Variants in PACS2 observed in about 807,000 individuals in gnomAD.
PACS2 encodes the protein phosphofurin acidic cluster sorting protein 2.
In PACS2, 36 loss-of-function variants were observed where a neutral mutation model predicts 113.0. The observed-to-expected ratio is 0.32, with a 90% CI of 0.24 to 0.42. The LOEUF (loss-of-function observed/expected upper bound fraction) is 0.42. Ranked by LOEUF, PACS2 falls within the 10% of genes least tolerant of loss-of-function variation. The pLI, the probability that PACS2 is intolerant of heterozygous loss-of-function variation, is 1.00. For missense variants in PACS2, 1,015 were observed against 1,239.5 expected (o/e 0.82, Z 2.72); for synonymous variants, 589 against 536.1 (o/e 1.10, Z -1.36).
At position 105,356,880 on chromosome 14, in the gene PACS2, G is replaced by C. The variant is rs891167485; in HGVS notation, c.423+1703G>C. Among the ~76,000 whole-genome samples, 3 of 144,098 alleles carry C rather than the reference G, an allele frequency of 2.1e-5. No individual in the cohort carries two copies. The highest frequency in any genetic ancestry group is 3.0e-5 in the Non-Finnish European group (2 of 67,626). The allele number at this position is 144,098 out of a possible 152,430, so 94.5% of individuals were successfully genotyped here. ...GTTTCCCATTAGCCATTCAGGCGATGTCCTGCTGATCCCTGCTGGTCCCTG... is the reference window on the plus strand; with the variant it reads ...GTTTCCCATTAGCCATTCAGGCGATCTCCTGCTGATCCCTGCTGGTCCCTG... On this transcript the variant is annotated intron_variant, in intron 4 of 24. Coordinates refer to ENST00000447393, the MANE Select transcript of PACS2 (RefSeq NM_001100913.3). The surrounding 1 kb of genome is among the most constrained non-coding windows in gnomAD (Gnocchi z 4.0).
chr14:105,306,185 ATGACC>A (rs1480357223), intron 1 of PACS2, among the ~76,000 whole-genome samples: 2 of 152,232 alleles, frequency 1.3e-5, no homozygotes, highest in African/African-American at 2.4e-5. Context: ...CCTGAGAAAA[ATGACC>A]TGACCAGCAG....
intron 1 of PACS2, among the ~76,000 whole-genome samples, chr14:105,331,011 A>G (rs755885449): frequency 6.5e-4 from 98 of 151,238 alleles, no homozygotes; most frequent in African/African-American, 2.3e-3. Flanking sequence ...GCTGGAGTGC[A>G]GTGGCACAAT....
Position 105,315,138 on chromosome 14 carries a change from G to GAGCCCAGGTCGCCCCCCGCGC in PACS2, c.119+102_119+122dup. On this transcript the variant is annotated intron_variant, in intron 1 of 24. Transcript: ENST00000447393. The surrounding 1 kb of genome is among the most constrained non-coding windows in gnomAD (Gnocchi z 4.4). ...CATCCCCGGCCCGGGTCCCCCAGCG[G>GAGCCCAGGTCGCCCCCCGCGC]AGCCCAGGTCGCCCCCCGCGCCCCC... is the stretch of plus-strand genomic sequence containing the variant. The GAGCCCAGGTCGCCCCCCGCGC allele has an allele frequency of 1.4e-6, 1 of 733,282 alleles. No individual in the cohort carries two copies. The highest frequency in any genetic ancestry group is 1.7e-6 in the Non-Finnish European group (1 of 591,048). 45.4% of individuals were successfully genotyped at this position (733,282 alleles called of 1,614,324 possible).
In PACS2 at chr14:105,342,230, C is replaced by CTGTGTGTGTG. The variant is rs373390359; in HGVS notation, c.120-6231_120-6222dup. Among the ~76,000 whole-genome samples the CTGTGTGTGTG allele has an allele frequency of 3.2e-4, 45 of 140,340 alleles. 1 individual carries two copies. Among genetic ancestry groups the CTGTGTGTGTG allele is most frequent in the South Asian group, 2.1e-3 (9 of 4,294 alleles). 92.1% of individuals were successfully genotyped at this position (140,340 alleles called of 152,430 possible). On this transcript the variant is annotated intron_variant, in intron 1 of 24. Coordinates refer to ENST00000447393, the MANE Select transcript of PACS2 (RefSeq NM_001100913.3). ...TCCACAGCAGGATCCAAGCTGCTGCCTGTGTGTGTGTGTGTGTGTGTGTGT... is the reference window on the plus strand; with the variant it reads ...TCCACAGCAGGATCCAAGCTGCTGCCTGTGTGTGTGTGTGTGTGTGTGTGTGTGTGTGTGT...
rs587662770 is a variant in PACS2, at chr14:105,360,652, G to C, written c.423+5475G>C. Reference sequence around the variant, plus strand: ...AGTGTGGGTGGGTGCTGACCGGTCAGAGTGTTGGTTGCTGAAGGCTAGGGT... The same window carrying C: ...AGTGTGGGTGGGTGCTGACCGGTCACAGTGTTGGTTGCTGAAGGCTAGGGT... On this transcript the variant is annotated intron_variant, in intron 4 of 24. Coordinates refer to ENST00000447393, the MANE Select transcript of PACS2 (RefSeq NM_001100913.3). Among the ~76,000 whole-genome samples, 3 of 148,116 alleles carry C rather than the reference G, an allele frequency of 2.0e-5. No individual in the cohort carries two copies. In the South Asian group the frequency reaches 6.2e-4, roughly 31 times the overall value.
At chr14:105,319,535 T>G (rs1218351450) in intron 1 of PACS2, among the ~76,000 whole-genome samples, 1 of 152,272 alleles carries the variant, frequency 6.6e-6, no homozygotes, top group Non-Finnish European at 1.5e-5. Context: ...CAGTTGATTT[T>G]TCAAAGAAAT....
Position 105,318,300 on chromosome 14 carries a change from A to T in PACS2, c.119+3263A>T, listed in dbSNP as rs959613587. 6.6e-5 allele frequency among the ~76,000 whole-genome samples: 10 copies of T among 152,054 alleles called. 1 individual carries two copies. The highest frequency in any genetic ancestry group is 5.8e-4 in the East Asian group (3 of 5,164). Reference sequence around the variant, plus strand: ...GCCTGGCCATCTGTTTGGTTTTTAGAGACAGAGCCTCACTTTGTGGCCCAG... The same window carrying T: ...GCCTGGCCATCTGTTTGGTTTTTAGTGACAGAGCCTCACTTTGTGGCCCAG... On this transcript the variant is annotated intron_variant, in intron 1 of 24. Transcript: ENST00000447393.
intron 8 of PACS2, 98 bp downstream of exon 8, chr14:105,369,998 C>G: frequency 9.5e-7 from 1 of 1,052,322 alleles, no homozygotes; most frequent in Non-Finnish European, 1.4e-6. Flanking sequence ...ACCTCTGGTT[C>G]TGCCGCTCAC....
At chr14:105,351,478 T>G (rs1177285548) in intron 2 of PACS2, among the ~76,000 whole-genome samples, 1 of 152,216 alleles carries the variant, frequency 6.6e-6, no homozygotes, top group African/African-American at 2.4e-5. Flanking sequence ...CTCCGTATTT[T>G]AAGTATTGTA....
In PACS2 at chr14:105,348,711, G is replaced by C. The variant is rs1472716863; in HGVS notation, c.207+131G>C. 1.4e-6 allele frequency: 1 copy of C among 704,774 alleles called. No homozygotes were observed. Among genetic ancestry groups the C allele is most frequent in the Admixed American group, 2.3e-5 (1 of 43,496 alleles). 43.7% of individuals were successfully genotyped at this position (704,774 alleles called of 1,614,324 possible). Reference sequence around the variant, plus strand: ...AGCGGGCAGCCCATGCCATCTCCGGGAGCCCGGGGGGCTGGGAATGACAGG... The same window carrying C: ...AGCGGGCAGCCCATGCCATCTCCGGCAGCCCGGGGGGCTGGGAATGACAGG... On this transcript the variant is annotated intron_variant, in intron 2 of 24. Coordinates refer to ENST00000447393, the MANE Select transcript of PACS2 (RefSeq NM_001100913.3). This position sits in a 1 kb window ranked among gnomAD's most constrained non-coding sequence, Gnocchi z 6.4.
rs969156837 is a variant in PACS2 at position 105,354,561 on chromosome 14, T to G, written c.298-491T>G. On this transcript the variant is annotated intron_variant, in intron 3 of 24. Coordinates refer to ENST00000447393, the MANE Select transcript of PACS2 (RefSeq NM_001100913.3). The surrounding 1 kb of genome is among the most constrained non-coding windows in gnomAD (Gnocchi z 4.2). ...GAGATACCTGTGAACATCAGCTTGC[T>G]GGAGCCCTGCTGGACAGGGAGCCTG... Among the ~76,000 whole-genome samples, 7 of 152,348 alleles carry G rather than the reference T, an allele frequency of 4.6e-5. No homozygotes were observed. The highest frequency in any genetic ancestry group is 1.7e-4 in the African/African-American group (7 of 41,600).
intron 1 of PACS2, among the ~76,000 whole-genome samples, chr14:105,302,012 G>A (rs900684079): frequency 2.0e-5 from 3 of 151,934 alleles, no homozygotes; most frequent in African/African-American, 7.2e-5. Flanking sequence ...GGTGGTGGGC[G>A]CCTGTAATCC....
chr14:105,328,146 G>A (rs1333508781), intron 1 of PACS2, among the ~76,000 whole-genome samples: 3 of 152,284 alleles, frequency 2.0e-5, no homozygotes, highest in Non-Finnish European at 4.4e-5. Flanking sequence ...GTCAGAGGTT[G>A]AGTGTTTCCC....
rs1190358608 is a variant in PACS2, at chr14:105,330,959, G to A, written c.119+15922G>A. 2.0e-5 allele frequency among the ~76,000 whole-genome samples: 3 copies of A among 151,060 alleles called. No homozygotes were observed. Among genetic ancestry groups the A allele is most frequent in the Non-Finnish European group, 4.4e-5 (3 of 67,920 alleles). On this transcript the variant is annotated intron_variant, in intron 1 of 24. Transcript: ENST00000447393. The surrounding 1 kb of genome is among the most constrained non-coding windows in gnomAD (Gnocchi z 6.9). Reference sequence around the variant, plus strand: ...ACGGCTTTGTTGGATGCTGGGGTTGGCATTTTTTTTTTTTTTGAGACAGAG... The same window carrying A: ...ACGGCTTTGTTGGATGCTGGGGTTGACATTTTTTTTTTTTTTGAGACAGAG...
upstream of PACS2, among the ~76,000 whole-genome samples, chr14:105,312,350 A>G (rs2140711431): frequency 6.6e-6 from 1 of 152,178 alleles, no homozygotes; most frequent in East Asian, 1.9e-4. Context: ...AATAACTCCC[A>G]CAACCTCCGG....
rs1259459811 is a variant in PACS2, at chr14:105,379,723, C to G, written c.960-16C>G. On this transcript the variant is annotated splice_polypyrimidine_tract_variant and intron_variant, in intron 9 of 24. Coordinates refer to ENST00000447393, the MANE Select transcript of PACS2 (RefSeq NM_001100913.3). ...CTGGAAATTAACGTGTCCCCCACCCCTGTTCCCTGAGCCAGGCCATACTTT... is the reference window on the plus strand; with the variant it reads ...CTGGAAATTAACGTGTCCCCCACCCGTGTTCCCTGAGCCAGGCCATACTTT... 3.1e-6 allele frequency: 5 copies of G among 1,608,816 alleles called. No individual in the cohort carries two copies. The highest frequency in any genetic ancestry group is 2.6e-6 in the Non-Finnish European group (3 of 1,175,504).
rs2081060035 is a variant in PACS2 at position 105,383,370 on chromosome 14, A to G, written c.1637A>G (p.Asn546Ser). 1 of 1,607,420 alleles carries G rather than the reference A, an allele frequency of 6.2e-7. No homozygotes were observed. The highest frequency in any genetic ancestry group is 8.5e-7 in the Non-Finnish European group (1 of 1,179,930). Reference protein sequence around the residue: ...VSRIQRYCNCNSQPPTPVKIA... With the variant: ...VSRIQRYCNCSSQPPTPVKIA... ...CCTCTGGATTGCAGCTGCAACTGCA[A>G]TTCCCAGCCCCCGACCCCCGTGAAG... Residue 546 changes from asparagine (N) to serine (S), a missense_variant, in exon 16 of 25, where the codon AAT becomes AGT. Transcript: ENST00000447393.
upstream of PACS2, among the ~76,000 whole-genome samples, chr14:105,312,012 G>A (rs2058362913): frequency 1.3e-5 from 2 of 152,244 alleles, no homozygotes; most frequent in South Asian, 4.1e-4. Context: ...TAGGGGCGCT[G>A]TGGGCTGGAG....
chr14:105,364,689 T>G (rs1555407530), intron 4 of PACS2, among the ~76,000 whole-genome samples: 1 of 149,742 alleles, frequency 6.7e-6, no homozygotes. Flanking sequence ...TGAGCAATTT[T>G]CTTTTCTTTT....
Sources: allele counts gnomAD v4.1 joint callset (sites outside exome capture counted in the v4.1 genomes callset), GRCh38; gene constraint gnomAD v4.1.1; non-coding constraint Gnocchi (gnomAD v3.1); transcripts MANE v1.5; gene names NCBI Gene and HGNC (gene_info 2026-07-23, HGNC 2026-07-21).